TSPAN17: variants seen among roughly 807,000 people sequenced by gnomAD.
TSPAN17 encodes tetraspanin-17.
A neutral mutation model predicts 40.5 loss-of-function variants in TSPAN17; 33 were observed. The ratio of observed to expected loss-of-function variants is 0.81; its 90% CI spans 0.62 to 1.09. TSPAN17 has a LOEUF of 1.09. TSPAN17 is among the 50% of genes least tolerant of loss of function. TSPAN17 has a pLI of 0.00. For synonymous variants in TSPAN17, 166 were observed against 169.4 expected, an observed-to-expected ratio of 0.98 and a Z score of 0.15; for missense variants, 365 against 416.8, an observed-to-expected ratio of 0.88 and a Z score of 1.08.
Position 176,657,822 on chromosome 5 carries a change from C to A in TSPAN17, c.*124C>A. ...CAGTCACCAAGGGCCCCAGCTGGCC[C>A]GTTCTACTCACCTAAGTGCCGCCTG... On this transcript the variant is annotated 3_prime_UTR_variant, in exon 9 of 9. Transcript: ENST00000508164. 1.3e-6 allele frequency: 2 copies of A among 1,483,784 alleles called. No individual in the cohort carries two copies. Among genetic ancestry groups the A allele is most frequent in the Non-Finnish European group, 9.0e-7 (1 of 1,116,080 alleles). The allele number at this position is 1,483,784 out of a possible 1,614,324, so 91.9% of individuals were successfully genotyped here.
intron 6 of TSPAN17, 109 bp downstream of exon 6, chr5:176,656,234 G>A (rs975218432): frequency 8.9e-6 from 11 of 1,238,598 alleles, no homozygotes; most frequent in Admixed American, 6.1e-5. Context: ...TGGGGAGAGG[G>A]TGCTGAGTCC....
intron 5 of TSPAN17, among the ~76,000 whole-genome samples, 177 bp from the exon 6 acceptor site, chr5:176,655,900 CA>C (rs199961404): frequency 7.9e-6 from 1 of 125,842 alleles, no homozygotes. Flanking sequence ...GACCCTGTCT[CA>C]AAAAAAAAAC....
Position 176,652,843 on chromosome 5 carries a change from TCAA to T in TSPAN17, c.394_396del (p.Asn132del), listed in dbSNP as rs1412993551. The T allele has an allele frequency of 1.2e-6, 2 of 1,614,070 alleles. No individual in the cohort carries two copies. The highest frequency in any genetic ancestry group is 1.7e-6 in the Non-Finnish European group (2 of 1,180,026). ...ATTCGAGACCAGCTCAACCTCTTCA[TCAA>T]CAACAACGTCAAGGCCTACCGGGAC... On this transcript the variant is annotated inframe_deletion, in exon 4 of 9. Transcript: ENST00000508164.
At chr5:176,656,212 T>C in intron 6 of TSPAN17, 87 bp downstream of exon 6, 1 of 1,421,960 alleles carries the variant, frequency 7.0e-7, no homozygotes, top group South Asian at 1.3e-5. Flanking sequence ...CTGGAAGGCC[T>C]CAGGGATTCT....
chr5:176,650,932 G>A lies in TSPAN17; in HGVS notation c.88-684G>A, dbSNP rs1236185369. ...GGAAGGTGGGAAAGCTGAGGATGGAGGAGAGGCACTTGGACTGCCCCGGTG... is the reference window on the plus strand; with the variant it reads ...GGAAGGTGGGAAAGCTGAGGATGGAAGAGAGGCACTTGGACTGCCCCGGTG... On this transcript the variant is annotated intron_variant, in intron 1 of 8. Transcript: ENST00000508164. This position sits in a 1 kb window ranked among gnomAD's most constrained non-coding sequence, Gnocchi z 4.0. Among the ~76,000 whole-genome samples, 1 of 152,210 alleles carries A rather than the reference G, an allele frequency of 6.6e-6. No individual in the cohort carries two copies. The highest frequency in any genetic ancestry group is 1.5e-5 in the Non-Finnish European group (1 of 68,026).
chr5:176,649,245 A>C (rs1402020489), intron 1 of TSPAN17, among the ~76,000 whole-genome samples: 2 of 151,976 alleles, frequency 1.3e-5, no homozygotes, highest in Non-Finnish European at 2.9e-5. Context: ...GGTTGCTGGG[A>C]AAGTCAAGAG....
At position 176,647,631 on chromosome 5, in the gene TSPAN17, C is replaced by T. The variant is rs377697244; in HGVS notation, c.16C>T (p.Gln6Ter). The T allele has an allele frequency of 1.3e-5, 21 of 1,589,732 alleles. No individual in the cohort carries two copies. The highest frequency in any genetic ancestry group is 5.3e-5 in the Admixed American group (3 of 56,344). MPGKH[Q>*]HFQEPEVGCC... ...GCCGCTCACCATGCCCGGCAAGCAC[C>T]AGCATTTCCAGGAACCTGAGGTCGG... Residue 6 changes from glutamine to a stop codon, truncating the protein, a stop_gained, in exon 1 of 9, where the codon CAG (glutamine) becomes TAG (stop). Transcript: ENST00000508164. LOFTEE classifies it high-confidence loss of function.
At chr5:176,648,023 C>A (rs985641805) in intron 1 of TSPAN17, among the ~76,000 whole-genome samples, 12 of 152,286 alleles carry the variant, frequency 7.9e-5, no homozygotes, top group African/African-American at 2.9e-4. Flanking sequence ...TGCCCCCTCT[C>A]GCCCAGCCCT....
Position 176,654,678 on chromosome 5 carries a change from G to A in TSPAN17, c.457-217G>A. ...TTTTTCTAGCCTCTCTTGGGTCGGG[G>A]AAGGGGGAGCTCAGTGTCCCCTCCC... On this transcript the variant is annotated intron_variant, in intron 4 of 8. Transcript: ENST00000508164. The surrounding 1 kb of genome is among the most constrained non-coding windows in gnomAD (Gnocchi z 4.3). 2 of 563,220 alleles carry A rather than the reference G, an allele frequency of 3.6e-6. No homozygotes were observed. The highest frequency in any genetic ancestry group is 4.6e-5 in the South Asian group (2 of 43,482). 34.9% of individuals were successfully genotyped at this position (563,220 alleles called of 1,614,324 possible). A position where few individuals can be genotyped will look rare whatever the true frequency, so the allele number is the denominator to read the frequency against.
At chr5:176,647,885 T>A (rs2113456412) in intron 1 of TSPAN17, among the ~76,000 whole-genome samples, 183 bp downstream of exon 1, 1 of 151,412 alleles carries the variant, frequency 6.6e-6, no homozygotes, top group East Asian at 2.0e-4. Context: ...CCCGGATTGC[T>A]GGGGGCGGGT....
intron 5 of TSPAN17, among the ~76,000 whole-genome samples, chr5:176,655,604 G>T (rs1461970663): frequency 1.3e-5 from 2 of 152,104 alleles, no homozygotes; most frequent in Non-Finnish European, 1.5e-5. Context: ...GTCCAGGTTG[G>T]CGATTGCAGC....
At position 176,656,785 on chromosome 5, in the gene TSPAN17, C is replaced by T. The variant is rs144032274; in HGVS notation, c.716C>T (p.Ala239Val). 33 of 1,614,064 alleles carry T rather than the reference C, an allele frequency of 2.0e-5. No homozygotes were observed. The highest frequency in any genetic ancestry group is 1.6e-4 in the East Asian group (7 of 44,890). The change falls in exon 7 of 9, where the codon GCG (alanine) becomes GTG (valine). Residue 239 changes from alanine to valine, a missense_variant. Transcript: ENST00000508164. ...CTGCAGGACAACCTGATTGTGGTGG[C>T]GGGAGTCTTCATGGGCATCGCCCTC... ...KWLQDNLIVV[A>V]GVFMGIALLQ...
rs370903616 is a variant in TSPAN17, at chr5:176,652,723, G to C, written c.286-20G>C. On this transcript the variant is annotated intron_variant, in intron 3 of 8. Coordinates refer to ENST00000508164, the MANE Select transcript of TSPAN17 (RefSeq NM_130465.5). ...GAGCCCTGCGTTTCCAACCCCTACT[G>C]TCTGTATGCCCAACCCCAGTTCTCC... 38 of 1,613,318 alleles carry C rather than the reference G, an allele frequency of 2.4e-5. No homozygotes were observed. Among genetic ancestry groups the C allele is most frequent in the Non-Finnish European group, 3.1e-5 (37 of 1,179,522 alleles).
At chr5:176,653,759 G>A (rs1761052025) in intron 4 of TSPAN17, 1 of 152,084 alleles carries the variant, frequency 6.6e-6, no homozygotes. Flanking sequence ...ACCCAGGGCA[G>A]AGGCAGACAT....
rs868512756 is a variant in TSPAN17, at chr5:176,656,260, C to A, written c.630+135C>A. ...TGCTGAGTCCCAGGAACCAGCCAGA[C>A]ACCCAGGCAGCGGAGGGGGAGTAGA... is the stretch of plus-strand genomic sequence containing the variant. On this transcript the variant is annotated intron_variant, in intron 6 of 8. Transcript: ENST00000508164. 4.2e-6 allele frequency: 4 copies of A among 946,172 alleles called. No individual in the cohort carries two copies. The Middle Eastern group carries it at 7.3e-4, about 172-fold the overall frequency. The allele number at this position is 946,172 out of a possible 1,614,324, so 58.6% of individuals were successfully genotyped here. A position where few individuals can be genotyped will look rare whatever the true frequency, so the allele number is the denominator to read the frequency against.
chr5:176,656,383 A>G (rs1216802452), intron 6 of TSPAN17, among the ~76,000 whole-genome samples: 1 of 152,226 alleles, frequency 6.6e-6, no homozygotes, highest in Non-Finnish European at 1.5e-5. Flanking sequence ...TTTGGTGCTC[A>G]TGAGACAGTC....
chr5:176,657,375 T>C, intron 8 of TSPAN17, 143 bp from the exon 9 acceptor site: 1 of 1,414,288 alleles, frequency 7.1e-7, no homozygotes, highest in African/African-American at 1.4e-5. Context: ...TGGGGCGCGT[T>C]GCCTGAGCCA....
At chr5:176,656,674 T>C (rs1761166161) in intron 6 of TSPAN17, 26 bp from the exon 7 acceptor site, 1 of 1,611,338 alleles carries the variant, frequency 6.2e-7, no homozygotes, top group Non-Finnish European at 8.5e-7. Context: ...GCAGGTAGGC[T>C]GAGCCTGGTG....
chr5:176,653,582 A>G, intron 4 of TSPAN17: 1 of 152,520 alleles, frequency 6.6e-6, no homozygotes. Context: ...ACACACTCGC[A>G]GGCACACTTG....
Sources: allele counts gnomAD v4.1 joint callset (sites outside exome capture counted in the v4.1 genomes callset), GRCh38; gene constraint gnomAD v4.1.1; non-coding constraint Gnocchi (gnomAD v3.1); transcripts MANE v1.5; gene names NCBI Gene and HGNC (gene_info 2026-07-23, HGNC 2026-07-21).